Variants in PHKB observed in about 807,000 individuals in gnomAD.
PHKB encodes the protein phosphorylase b kinase regulatory subunit beta.
In PHKB, 122 loss-of-function variants were observed where a neutral mutation model predicts 152.1. The observed-to-expected ratio is 0.80, with a 90% CI of 0.69 to 0.93. The LOEUF is 0.93. PHKB is among the 40% of genes least tolerant of loss of function. The probability of loss-of-function intolerance (pLI) is 0.00; values close to 1 mark genes in which losing one functional copy is unlikely to be tolerated. For synonymous variants in PHKB, 436 were observed against 464.9 expected (o/e 0.94, Z 0.80); for missense variants, 1,304 against 1,328.4 (o/e 0.98, Z 0.29).
intron 26 of PHKB, among the ~76,000 whole-genome samples, chr16:47,677,606 A>G (rs1486417207): frequency 6.6e-6 from 1 of 151,984 alleles, no homozygotes. Flanking sequence ...TAATCCCAGC[A>G]TAAGGGCCCC....
chr16:47,611,093 A>C (rs1567326696), intron 14 of PHKB, among the ~76,000 whole-genome samples, 173 bp downstream of exon 14: 2 of 152,200 alleles, frequency 1.3e-5, no homozygotes, highest in African/African-American at 2.4e-5. Context: ...TTAATGAGGA[A>C]GTAGATTTCA....
chr16:47,486,375 C>A (rs189225428), intron 1 of PHKB, among the ~76,000 whole-genome samples: 17 of 152,008 alleles, frequency 1.1e-4, no homozygotes, highest in Non-Finnish European at 1.9e-4. Flanking sequence ...AGGAGTAAAT[C>A]GGAATTTTAA....
chr16:47,676,700 C>A (rs1344320392), intron 26 of PHKB, among the ~76,000 whole-genome samples: 2 of 152,200 alleles, frequency 1.3e-5, no homozygotes, highest in East Asian at 3.8e-4. Context: ...CTATCAGGCA[C>A]TCCAGTGAAC....
At chr16:47,547,022 T>C (rs1386597800) in intron 6 of PHKB, among the ~76,000 whole-genome samples, 1 of 152,214 alleles carries the variant, frequency 6.6e-6, no homozygotes, top group African/African-American at 2.4e-5. Context: ...AGGCTTCCCT[T>C]GGCTAGGAAA....
At chr16:47,685,828 G>A (rs1195621644) in intron 26 of PHKB, among the ~76,000 whole-genome samples, 1 of 146,596 alleles carries the variant, frequency 6.8e-6, no homozygotes, top group African/African-American at 2.5e-5. Context: ...TGCAAGCTCC[G>A]CCTCCTGGGT....
At chr16:47,517,070 G>A (rs901306682) in intron 6 of PHKB, among the ~76,000 whole-genome samples, 4 of 152,060 alleles carry the variant, frequency 2.6e-5, no homozygotes, top group Non-Finnish European at 4.4e-5. Context: ...AATAAAAGAA[G>A]CATGACTCTG....
rs748523564 is a variant in PHKB, at chr16:47,461,331, A to C, written c.-20A>C. 3 of 1,594,928 alleles carry C rather than the reference A, an allele frequency of 1.9e-6. No homozygotes were observed. The highest frequency in any genetic ancestry group is 1.8e-4 in the Middle Eastern group (1 of 5,432). On this transcript the variant is annotated 5_prime_UTR_variant, in exon 1 of 31. Coordinates refer to ENST00000323584, the MANE Select transcript of PHKB (RefSeq NM_000293.3). ...ACAGGCGGCCCCGGGGGCGGTGGCC[A>C]AGGCGGCGACCGGAGCGCGATGGCG... is the stretch of plus-strand genomic sequence containing the variant.
intron 14 of PHKB, among the ~76,000 whole-genome samples, chr16:47,634,652 GCATT>G (rs935599004): frequency 1.1e-4 from 16 of 152,316 alleles, no homozygotes; most frequent in African/African-American, 3.8e-4. Flanking sequence ...TGACCAGAGA[GCATT>G]CATTCTGCAA....
chr16:47,699,847 C>T lies in PHKB; in HGVS notation c.*481C>T. ...TATACATCATAAAAGCAAAGTCAGC[C>T]AGCTGATATTTTGGTTCTCAAAAAC... On this transcript the variant is annotated 3_prime_UTR_variant, in exon 31 of 31. Coordinates refer to ENST00000323584, the MANE Select transcript of PHKB (RefSeq NM_000293.3). 1 of 178,816 alleles carries T rather than the reference C, an allele frequency of 5.6e-6. No homozygotes were observed. The highest frequency in any genetic ancestry group is 1.2e-5 in the Non-Finnish European group (1 of 82,916). 11.1% of individuals were successfully genotyped at this position (178,816 alleles called of 1,614,324 possible).
intron 6 of PHKB, among the ~76,000 whole-genome samples, chr16:47,542,680 C>T (rs1375426215): frequency 2.6e-5 from 4 of 152,074 alleles, no homozygotes; most frequent in Non-Finnish European, 5.9e-5. Context: ...TTTCATTTAG[C>T]AGTGGTTTGT....
Position 47,499,860 on chromosome 16 carries a change from G to A in PHKB, c.271G>A (p.Ala91Thr), listed in dbSNP as rs200339326. The stretch of plus-strand genomic sequence containing the variant: ...CAAGATCCAGGACAGCCTATACTGC[G>A]CTGCTGGGGCCTGGGCTTTGGCTCT... ...KAKIQDSLYC[A>T]AGAWALALAY... The change falls in exon 3 of 31, where the codon GCT becomes ACT. Residue 91 changes from alanine to threonine, a missense_variant. Ala to Thr is a moderately conservative substitution (Grantham distance 58). Transcript: ENST00000323584. 79 of 1,614,030 alleles carry A rather than the reference G, an allele frequency of 4.9e-5. No homozygotes were observed. The highest frequency in any genetic ancestry group is 1.3e-4 in the South Asian group (12 of 91,084).
At chr16:47,655,792 C>T (rs1436788099) in intron 20 of PHKB, among the ~76,000 whole-genome samples, 1 of 152,196 alleles carries the variant, frequency 6.6e-6, no homozygotes, top group Non-Finnish European at 1.5e-5. Flanking sequence ...CAGTAACTGT[C>T]TGTAGTCCTA....
chr16:47,484,559 T>C (rs1970018786), intron 1 of PHKB, among the ~76,000 whole-genome samples: 3 of 152,226 alleles, frequency 2.0e-5, no homozygotes, highest in South Asian at 4.1e-4. Flanking sequence ...AAAGGCTCAA[T>C]GCTTCTCAGT....
At chr16:47,580,195 T>C in intron 7 of PHKB, 100 bp from the exon 8 acceptor site, 1 of 851,496 alleles carries the variant, frequency 1.2e-6, no homozygotes. Flanking sequence ...TTGTTATAAA[T>C]GTTAATAAAG....
chr16:47,676,661 T>A (rs531123108), intron 26 of PHKB, among the ~76,000 whole-genome samples: 1 of 152,356 alleles, frequency 6.6e-6, no homozygotes, highest in South Asian at 2.1e-4. Flanking sequence ...AAGGTTAATC[T>A]TGCCAATGCA....
At chr16:47,693,695 AC>A in intron 28 of PHKB, among the ~76,000 whole-genome samples, 188 bp downstream of exon 28, 1 of 152,318 alleles carries the variant, frequency 6.6e-6, no homozygotes, top group African/African-American at 2.4e-5. Flanking sequence ...AATCTGAGTT[AC>A]TTTTATTTTT....
At chr16:47,478,576 C>G (rs1332109362) in intron 1 of PHKB, among the ~76,000 whole-genome samples, 1 of 144,254 alleles carries the variant, frequency 6.9e-6, no homozygotes, top group Non-Finnish European at 1.5e-5. Flanking sequence ...GGTTAAGTTA[C>G]TAAACCCCAT....
At chr16:47,588,064 T>A (rs1392098984) in intron 9 of PHKB, among the ~76,000 whole-genome samples, 1 of 152,138 alleles carries the variant, frequency 6.6e-6, no homozygotes, top group Non-Finnish European at 1.5e-5. Context: ...CATGGTATAT[T>A]AGAAAAATAT....
intron 1 of PHKB, among the ~76,000 whole-genome samples, chr16:47,488,176 T>G (rs1266959322): frequency 6.6e-6 from 1 of 152,216 alleles, no homozygotes; most frequent in African/African-American, 2.4e-5. Flanking sequence ...TGAATTGCAT[T>G]TCTCTAATAA....
Sources: allele counts gnomAD v4.1 joint callset (sites outside exome capture counted in the v4.1 genomes callset), GRCh38; gene constraint gnomAD v4.1.1; transcripts MANE v1.5; gene names NCBI Gene and HGNC (gene_info 2026-07-23, HGNC 2026-07-21).